Variants in MSI2 observed in about 807,000 individuals in gnomAD.
The protein encoded by MSI2 is musashi RNA binding protein 2, also known as RNA-binding protein Musashi homolog 2.
Under a neutral mutation model 45.6 loss-of-function variants are expected in MSI2, and 17 were observed. That is an observed-to-expected ratio of 0.37 (90% CI 0.26 to 0.56). The LOEUF (loss-of-function observed/expected upper bound fraction) is 0.56. Ranked by LOEUF, MSI2 falls within the 20% of genes least tolerant of loss-of-function variation. The probability of loss-of-function intolerance (pLI) is 0.77; values close to 1 mark genes in which losing one functional copy is unlikely to be tolerated. For missense variants in MSI2, 293 were observed against 444.2 expected (o/e 0.66, Z 3.06); for synonymous variants, 156 against 158.2 (o/e 0.99, Z 0.11).
intron 5 of MSI2, among the ~76,000 whole-genome samples, chr17:57,310,256 G>A (rs1434657861): frequency 3.9e-5 from 6 of 152,180 alleles, no homozygotes; most frequent in Non-Finnish European, 8.8e-5. Context: ...TAAAGGCATC[G>A]GTGCACAGGG....
downstream of MSI2, among the ~76,000 whole-genome samples, chr17:57,688,125 A>G (rs1273290135): frequency 6.6e-6 from 1 of 152,180 alleles, no homozygotes; most frequent in Non-Finnish European, 1.5e-5. Flanking sequence ...AACCTGTTTC[A>G]ATTAAAATAA....
At chr17:57,367,671 C>T (rs1490227764) in intron 5 of MSI2, among the ~76,000 whole-genome samples, 4 of 152,136 alleles carry the variant, frequency 2.6e-5, no homozygotes, top group African/African-American at 9.7e-5. Context: ...ATCTTAAATC[C>T]CTACCTGCAA....
chr17:57,640,872 T>C lies in MSI2; in HGVS notation c.728-11227T>C, dbSNP rs1414030816. Reference sequence around the variant, plus strand: ...GTGGCTGCTGTTGTGTTATCATTAGTGTAATGACTATTTTCTCATCATCAA... The same window carrying C: ...GTGGCTGCTGTTGTGTTATCATTAGCGTAATGACTATTTTCTCATCATCAA... On this transcript the variant is annotated intron_variant, in intron 10 of 13. Transcript: ENST00000284073. Among the ~76,000 whole-genome samples, 12 of 152,322 alleles carry C rather than the reference T, an allele frequency of 7.9e-5. No individual in the cohort carries two copies. In the East Asian group the frequency reaches 1.7e-3, roughly 22 times the overall value.
At chr17:57,474,787 C>T (rs1416265206) in intron 6 of MSI2, among the ~76,000 whole-genome samples, 2 of 152,118 alleles carry the variant, frequency 1.3e-5, no homozygotes, top group African/African-American at 2.4e-5. Flanking sequence ...GGCACAATCT[C>T]AGCTCATTGC....
chr17:57,372,839 A>T (rs1301603936), intron 5 of MSI2, among the ~76,000 whole-genome samples: 3 of 152,148 alleles, frequency 2.0e-5, no homozygotes, highest in African/African-American at 2.4e-5. Context: ...CCGCCACCCC[A>T]ATGAGAATGA....
Position 57,679,555 on chromosome 17 carries a change from C to T in MSI2, c.*38C>T. 1.3e-5 allele frequency: 14 copies of T among 1,057,408 alleles called. No individual in the cohort carries two copies. The highest frequency in any genetic ancestry group is 1.6e-5 in the Non-Finnish European group (14 of 874,030). 65.5% of individuals were successfully genotyped at this position (1,057,408 alleles called of 1,614,324 possible). On this transcript the variant is annotated 3_prime_UTR_variant, in exon 14 of 14. Coordinates refer to ENST00000284073, the MANE Select transcript of MSI2 (RefSeq NM_138962.4). ...GGCCTTCCCTGCCCTGCAGAGCATA[C>T]CTGGATGTCCAGGCAAGACTGGGCG...
chr17:57,507,083 C>A (rs2086245462), intron 6 of MSI2, among the ~76,000 whole-genome samples: 1 of 151,940 alleles, frequency 6.6e-6, no homozygotes, highest in African/African-American at 2.4e-5. Flanking sequence ...CTATAAAAAA[C>A]CCTTTCTTAT....
the MSI2 span, among the ~76,000 whole-genome samples, chr17:57,697,665 A>G: frequency 1.3e-5 from 2 of 152,194 alleles, no homozygotes; most frequent in Admixed American, 1.3e-4. Flanking sequence ...AGGCCTCACA[A>G]TCATGGTAGA....
At chr17:57,633,178 C>T (rs1909559009) in intron 10 of MSI2, 1 of 1,015,578 alleles carries the variant, frequency 9.8e-7, no homozygotes, top group African/African-American at 1.7e-5. Context: ...AATTGTTTAC[C>T]ATGGACATAC....
intron 5 of MSI2, among the ~76,000 whole-genome samples, chr17:57,277,141 C>T (rs370062467): frequency 4.0e-5 from 6 of 151,198 alleles, no homozygotes; most frequent in African/African-American, 1.2e-4. Context: ...CTGCAGCCTC[C>T]GCCTCCTGGG....
chr17:57,384,486 A>C (rs2083651366), intron 5 of MSI2, among the ~76,000 whole-genome samples: 1 of 152,200 alleles, frequency 6.6e-6, no homozygotes, highest in Non-Finnish European at 1.5e-5. Flanking sequence ...TCTAGTGAAC[A>C]AGCTGGAAGC....
chr17:57,654,397 A>C (rs540649278), intron 11 of MSI2, among the ~76,000 whole-genome samples: 1 of 152,338 alleles, frequency 6.6e-6, no homozygotes, highest in African/African-American at 2.4e-5. Context: ...CTTTTAACGC[A>C]TTCTGCCAGT....
At chr17:57,273,625 G>C (rs1382533459) in intron 5 of MSI2, among the ~76,000 whole-genome samples, 5 of 152,188 alleles carry the variant, frequency 3.3e-5, no homozygotes, top group Admixed American at 2.6e-4. Context: ...TGCCTGGGCA[G>C]TTTGCGTTTG....
intron 8 of MSI2, chr17:57,608,218 C>T (rs9907459): frequency 0.97 from 147,389 of 152,472 alleles, 71,284 homozygotes; most frequent in East Asian, 1. Flanking sequence ...TAGCCCCTTA[C>T]TGGCTTCTTA....
chr17:57,657,134 G>A (rs576088415), intron 11 of MSI2, among the ~76,000 whole-genome samples: 49 of 152,328 alleles, frequency 3.2e-4, no homozygotes, highest in African/African-American at 1.2e-3. Flanking sequence ...CTGAGAGAAT[G>A]CGTAGAGATA....
intron 5 of MSI2, among the ~76,000 whole-genome samples, chr17:57,301,048 G>A (rs552999848): frequency 4.6e-5 from 7 of 152,302 alleles, no homozygotes; most frequent in South Asian, 2.1e-4. Flanking sequence ...TGGGAGAGGC[G>A]GGGCTGTGAG....
At position 57,345,740 on chromosome 17, in the gene MSI2, A is replaced by G. The variant is rs565941601; in HGVS notation, c.313-55639A>G. On this transcript the variant is annotated intron_variant, in intron 5 of 13. Transcript: ENST00000284073. ...AGGCTAAGGCAGGAGAATCGCTTCA[A>G]CTCAGGTGGTGGAGGTTGCAGCGAG... is the stretch of plus-strand genomic sequence containing the variant. Among the ~76,000 whole-genome samples, 7 of 150,334 alleles carry G rather than the reference A, an allele frequency of 4.7e-5. No homozygotes were observed. In the South Asian group the frequency reaches 8.4e-4, roughly 18 times the overall value.
intron 6 of MSI2, among the ~76,000 whole-genome samples, chr17:57,485,833 C>T (rs1214563727): frequency 2.0e-5 from 3 of 152,184 alleles, no homozygotes; most frequent in African/African-American, 4.8e-5. Flanking sequence ...CCAGTGACCC[C>T]CTGCTCTGGC....
intron 6 of MSI2, among the ~76,000 whole-genome samples, chr17:57,495,088 A>G (rs907662261): frequency 1.3e-5 from 2 of 152,066 alleles, no homozygotes; most frequent in Admixed American, 1.3e-4. Context: ...GGAGGAGGTG[A>G]GGGAGTGAGC....
Sources: gnomAD v4.1 joint callset for allele counts (sites outside exome capture counted in the v4.1 genomes callset) on GRCh38, gnomAD v4.1.1 for gene constraint, MANE v1.5 for transcripts, NCBI Gene and HGNC (gene_info 2026-07-23, HGNC 2026-07-21) for gene names.